EPHA3: variants seen among roughly 807,000 people sequenced by gnomAD.
The protein encoded by EPHA3 is EPH receptor A3.
EPHA3 carries 42 observed loss-of-function variants against 107.1 expected under a neutral mutation model. The observed-to-expected ratio is 0.39, with a 90% CI of 0.31 to 0.51. EPHA3 has a LOEUF of 0.51. Ranked by LOEUF, EPHA3 falls within the 20% of genes least tolerant of loss-of-function variation. EPHA3 has a pLI of 0.78. For missense variants in EPHA3, 1,183 were observed against 1,211.2 expected, an observed-to-expected ratio of 0.98 and a Z score of 0.35; for synonymous variants, 461 against 424.8, an observed-to-expected ratio of 1.09 and a Z score of -1.05.
chr3:89,429,688 TATCTATC>T (rs1481796434), intron 12 of EPHA3, among the ~76,000 whole-genome samples: 2 of 147,768 alleles, frequency 1.4e-5, no homozygotes, highest in Non-Finnish European at 3.0e-5. Context: ...TTTATACGTT[TATCTATC>T]ATCTATCTAT....
At chr3:89,393,778 T>C (rs1266088869) in intron 5 of EPHA3, among the ~76,000 whole-genome samples, 1 of 131,316 alleles carries the variant, frequency 7.6e-6, no homozygotes, top group Non-Finnish European at 1.7e-5. Context: ...TAAGCAAAAA[T>C]AAATTTTTTT....
intron 5 of EPHA3, 123 bp from the exon 6 acceptor site, chr3:89,395,713 CA>C (rs1265235270): frequency 2.4e-6 from 3 of 1,231,264 alleles, no homozygotes; most frequent in East Asian, 2.4e-5. Context: ...GCTTTCTTGC[CA>C]AAAAACTGGA....
At chr3:89,170,779 G>T (rs1323688530) in intron 2 of EPHA3, among the ~76,000 whole-genome samples, 2 of 152,064 alleles carry the variant, frequency 1.3e-5, no homozygotes, top group Non-Finnish European at 2.9e-5. Flanking sequence ...GAAAAAACAA[G>T]AATTTATTTG....
intron 3 of EPHA3, among the ~76,000 whole-genome samples, chr3:89,257,953 A>G (rs749863320): frequency 3.3e-5 from 5 of 152,190 alleles, no homozygotes; most frequent in Non-Finnish European, 5.9e-5. Flanking sequence ...CACTCCATAA[A>G]TTTTTAAAAA....
At chr3:89,252,596 G>T (rs1248600966) in intron 3 of EPHA3, among the ~76,000 whole-genome samples, 1 of 152,036 alleles carries the variant, frequency 6.6e-6, no homozygotes, top group African/African-American at 2.4e-5. Flanking sequence ...CAGGCATGGT[G>T]GTGCATGCCT....
chr3:89,293,455 T>A (rs913215405), intron 3 of EPHA3, among the ~76,000 whole-genome samples: 1 of 152,144 alleles, frequency 6.6e-6, no homozygotes, highest in Non-Finnish European at 1.5e-5. Context: ...AGGGGCCAGA[T>A]AATAAATAGT....
intron 2 of EPHA3, among the ~76,000 whole-genome samples, chr3:89,131,555 G>A (rs928343649): frequency 1.3e-5 from 2 of 152,124 alleles, no homozygotes; most frequent in Non-Finnish European, 2.9e-5. Flanking sequence ...GGAAGGTTGA[G>A]CTACACAGTT....
chr3:89,479,339 T>C, intron 16 of EPHA3, 58 bp from the exon 17 acceptor site: 1 of 1,378,328 alleles, frequency 7.3e-7, no homozygotes, highest in South Asian at 1.2e-5. Flanking sequence ...TAATTGAAAA[T>C]CTCCTGCTTA....
At chr3:89,403,413 A>C (rs1296553995) in intron 7 of EPHA3, among the ~76,000 whole-genome samples, 4 of 151,782 alleles carry the variant, frequency 2.6e-5, no homozygotes, top group Non-Finnish European at 5.9e-5. Context: ...TTTTTTTCTG[A>C]GTTTACATAT....
chr3:89,174,530 A>G (rs1380546353), intron 2 of EPHA3, among the ~76,000 whole-genome samples: 2 of 152,054 alleles, frequency 1.3e-5, no homozygotes, highest in Admixed American at 6.6e-5. Flanking sequence ...TTCAGGAAGT[A>G]AAATTACAAA....
At position 89,318,401 on chromosome 3, in the gene EPHA3, C is replaced by A. The variant is rs149648860; in HGVS notation, c.815-22515C>A. On this transcript the variant is annotated intron_variant, in intron 3 of 16. Transcript: ENST00000336596. Reference sequence around the variant, plus strand: ...TTGATTTGATATTTTGGGTGTGGGGCATGGGGGTATGATGATAGTTTGTAT... The same window carrying A: ...TTGATTTGATATTTTGGGTGTGGGGAATGGGGGTATGATGATAGTTTGTAT... Among the ~76,000 whole-genome samples the A allele has an allele frequency of 8.3e-4, 126 of 151,898 alleles. No individual in the cohort carries two copies. In the East Asian group the frequency reaches 0.018, roughly 22 times the overall value.
intron 3 of EPHA3, among the ~76,000 whole-genome samples, chr3:89,301,438 C>G (rs1243754511): frequency 6.6e-6 from 1 of 152,090 alleles, no homozygotes; most frequent in East Asian, 1.9e-4. Flanking sequence ...TAAACAGAGA[C>G]TAGTACATTA....
rs115348085 is a variant in EPHA3, at chr3:89,280,132, A to C, written c.815-60784A>C. Reference sequence around the variant, plus strand: ...AAATAGCTAGCTACAGAATTGATGTAATGGCATAAATATTAAAATTACAGA... The same window carrying C: ...AAATAGCTAGCTACAGAATTGATGTCATGGCATAAATATTAAAATTACAGA... On this transcript the variant is annotated intron_variant, in intron 3 of 16. Coordinates refer to ENST00000336596, the MANE Select transcript of EPHA3 (RefSeq NM_005233.6). 5.6e-3 allele frequency among the ~76,000 whole-genome samples: 848 copies of C among 152,236 alleles called. 4 individuals are homozygous for C. The highest frequency in any genetic ancestry group is 0.016 in the African/African-American group (663 of 41,546).
At chr3:89,262,401 G>A (rs927855594) in intron 3 of EPHA3, among the ~76,000 whole-genome samples, 3 of 152,234 alleles carry the variant, frequency 2.0e-5, no homozygotes, top group Admixed American at 6.5e-5. Context: ...CCTCTTTCTA[G>A]CTTCAGACAG....
At chr3:89,377,089 C>A (rs1344227629) in intron 5 of EPHA3, among the ~76,000 whole-genome samples, 1 of 151,896 alleles carries the variant, frequency 6.6e-6, no homozygotes, top group East Asian at 1.9e-4. Context: ...GGAATATGAT[C>A]TTTTTTAGTT....
intron 5 of EPHA3, among the ~76,000 whole-genome samples, chr3:89,345,170 A>G (rs1707615262): frequency 6.6e-6 from 1 of 151,208 alleles, no homozygotes; most frequent in Admixed American, 6.6e-5. Flanking sequence ...ACTATTCTAT[A>G]GCATATAATG....
chr3:89,157,836 G>A (rs1027509213), intron 2 of EPHA3, among the ~76,000 whole-genome samples: 4 of 151,186 alleles, frequency 2.6e-5, no homozygotes, highest in Non-Finnish European at 4.4e-5. Flanking sequence ...ATACAGTGTA[G>A]GTAGTAACAC....
intron 13 of EPHA3, among the ~76,000 whole-genome samples, chr3:89,439,531 G>A (rs969409067): frequency 6.6e-5 from 10 of 151,968 alleles, no homozygotes; most frequent in African/African-American, 1.4e-4. Context: ...CCCCTGCTAC[G>A]TTTCTACTAA....
At chr3:89,212,700 T>C (rs1271905001) in intron 3 of EPHA3, among the ~76,000 whole-genome samples, 1 of 151,992 alleles carries the variant, frequency 6.6e-6, no homozygotes, top group African/African-American at 2.4e-5. Flanking sequence ...ATATAGTCAG[T>C]TAATTACATT....
Sources: allele counts gnomAD v4.1 joint callset (sites outside exome capture counted in the v4.1 genomes callset), GRCh38; gene constraint gnomAD v4.1.1; transcripts MANE v1.5; gene names NCBI Gene and HGNC (gene_info 2026-07-23, HGNC 2026-07-21).